The following ZBTB46 variants were observed in gnomAD, a reference collection of about 807,000 sequenced individuals.
ZBTB46 encodes zinc finger and BTB domain containing 46, also known as zinc finger and BTB domain-containing protein 46.
A neutral mutation model predicts 44.1 loss-of-function variants in ZBTB46; 8 were observed. The ratio of observed to expected loss-of-function variants is 0.18; its 90% CI spans 0.11 to 0.33. The LOEUF (loss-of-function observed/expected upper bound fraction) is 0.33, where lower values mean the gene tolerates loss of function less well. Ranked by LOEUF, ZBTB46 falls within the 10% of genes least tolerant of loss-of-function variation. ZBTB46 has a pLI of 1.00. For missense variants in ZBTB46, 651 were observed against 847.7 expected (o/e 0.77, Z 2.88); for synonymous variants, 409 against 382.3 (o/e 1.07, Z -0.81).
chr20:63,807,060 G>T (rs559788870), intron 1 of ZBTB46, among the ~76,000 whole-genome samples: 1 of 152,174 alleles, frequency 6.6e-6, no homozygotes, highest in African/African-American at 2.4e-5. Context: ...GGGATTACAG[G>T]CGTGAGCCAC....
Position 63,746,995 on chromosome 20 carries a change from C to A in ZBTB46, c.1705G>T (p.Glu569Ter), listed in dbSNP as rs369691406. The A allele has an allele frequency of 6.2e-7, 1 of 1,607,690 alleles. No homozygotes were observed. Among genetic ancestry groups the A allele is most frequent in the Non-Finnish European group, 8.5e-7 (1 of 1,179,470 alleles). The stretch of plus-strand genomic sequence containing the variant: ...GGGCTGCGCGGCCGCGGCGAGTCTT[C>A]CTCATCCTTGTCGTCCGCCAACAGC... ...DALLADDKDE[E>*]DSPRPRSPPG... Residue 569 changes from glutamate (E) to a stop codon, truncating the protein, a stop_gained, in exon 5 of 5, where the codon GAA (glutamate) becomes TAA (stop). Transcript: ENST00000245663. LOFTEE classifies it high-confidence loss of function.
At chr20:63,795,156 C>A (rs1273555661) in intron 1 of ZBTB46, among the ~76,000 whole-genome samples, 1 of 152,254 alleles carries the variant, frequency 6.6e-6, no homozygotes, top group Non-Finnish European at 1.5e-5. Flanking sequence ...TCTGAGGCTT[C>A]TTGGTATCTG....
At chr20:63,765,830 T>C (rs1174038013) in intron 3 of ZBTB46, among the ~76,000 whole-genome samples, 1 of 152,266 alleles carries the variant, frequency 6.6e-6, no homozygotes, top group African/African-American at 2.4e-5. Flanking sequence ...TTAGAGCCCT[T>C]ATCATTTTAC....
intron 4 of ZBTB46, among the ~76,000 whole-genome samples, chr20:63,751,577 G>A (rs2092162628): frequency 6.6e-6 from 1 of 151,984 alleles, no homozygotes; most frequent in Admixed American, 6.5e-5. Flanking sequence ...CACTGGAAAA[G>A]CAGCAACCAA....
At chr20:63,770,795 C>G (rs548399952) in intron 3 of ZBTB46, among the ~76,000 whole-genome samples, 1 of 152,360 alleles carries the variant, frequency 6.6e-6, no homozygotes, top group South Asian at 2.1e-4. Context: ...GCAGTGGACA[C>G]ACAGTGAGGA....
chr20:63,752,069 C>T lies in ZBTB46; in HGVS notation c.1398+617G>A, dbSNP rs1182823298. ...CCTGCACCCTGCGCCTCGGGGTGGG[C>T]GTTCCAGGACTCCCCGAACCCTTGG... On this transcript the variant is annotated intron_variant, in intron 4 of 4. Coordinates refer to ENST00000245663, the MANE Select transcript of ZBTB46 (RefSeq NM_001369741.1). This position sits in a 1 kb window ranked among gnomAD's most constrained non-coding sequence, Gnocchi z 5.6. Among the ~76,000 whole-genome samples the T allele has an allele frequency of 4.6e-5, 7 of 152,018 alleles. No homozygotes were observed.
At chr20:63,818,340 G>T (rs1017902637) in intron 1 of ZBTB46, among the ~76,000 whole-genome samples, 1 of 152,152 alleles carries the variant, frequency 6.6e-6, no homozygotes, top group East Asian at 1.9e-4. Context: ...TCCAAGTCAC[G>T]GTCCCCTCCA....
At position 63,790,641 on chromosome 20, in the gene ZBTB46, GC is replaced by G; in HGVS notation, c.116del (p.Gly39AlafsTer67). On this transcript the variant is annotated frameshift_variant, in exon 2 of 5. Coordinates refer to ENST00000245663, the MANE Select transcript of ZBTB46 (RefSeq NM_001369741.1). LOFTEE classifies it high-confidence loss of function. ...CGTTCTTGTGCGCCTTGAAGACCTT[GC>G]CCTCCACGACCACGCAGACGTCGCA... is the stretch of plus-strand genomic sequence containing the variant. ...VLCDVCVVVE[G>X]KVFKAHKNVL... 1 of 1,611,578 alleles carries G rather than the reference GC, an allele frequency of 6.2e-7. No homozygotes were observed. The highest frequency in any genetic ancestry group is 8.5e-7 in the Non-Finnish European group (1 of 1,180,026).
intron 2 of ZBTB46, among the ~76,000 whole-genome samples, chr20:63,779,406 ATT>A (rs59166121): frequency 4.3e-3 from 452 of 105,234 alleles, no homozygotes; most frequent in African/African-American, 0.018. Flanking sequence ...ACGCCGGCTA[ATT>A]TTTTTTTTTT....
intron 1 of ZBTB46, among the ~76,000 whole-genome samples, chr20:63,810,869 G>C (rs2092713715): frequency 6.6e-6 from 1 of 152,356 alleles, no homozygotes; most frequent in Non-Finnish European, 1.5e-5. Context: ...GCGAACATGA[G>C]AGCAATCTAC....
chr20:63,786,242 A>G (rs2092513313), intron 2 of ZBTB46, among the ~76,000 whole-genome samples: 1 of 152,218 alleles, frequency 6.6e-6, no homozygotes, highest in Non-Finnish European at 1.5e-5. Context: ...AAGCAGATGG[A>G]AAGGCCACTG....
At chr20:63,790,878 GCA>G (rs2092555786) in intron 1 of ZBTB46, 88 bp from the exon 2 acceptor site, 2 of 1,439,678 alleles carry the variant, frequency 1.4e-6, no homozygotes, top group Non-Finnish European at 1.8e-6. Context: ...GGGCCATGGG[GCA>G]CAGAGTGCGG....
At chr20:63,819,368 C>T (rs2092778700) in intron 1 of ZBTB46, among the ~76,000 whole-genome samples, 2 of 152,188 alleles carry the variant, frequency 1.3e-5, no homozygotes, top group South Asian at 4.1e-4. Context: ...CCGAAGAAGA[C>T]GAGCCAGCCC....
At chr20:63,757,631 C>T (rs987687508) in intron 3 of ZBTB46, among the ~76,000 whole-genome samples, 2 of 152,158 alleles carry the variant, frequency 1.3e-5, no homozygotes, top group Non-Finnish European at 2.9e-5. Flanking sequence ...CCAGCTTTCT[C>T]CTTCCTTTCC....
At chr20:63,748,070 C>T (rs768103639) in intron 4 of ZBTB46, among the ~76,000 whole-genome samples, 2 of 149,710 alleles carry the variant, frequency 1.3e-5, no homozygotes, top group African/African-American at 4.8e-5. Flanking sequence ...CCCTGACCCC[C>T]TCAGTCCCTG....
intron 3 of ZBTB46, among the ~76,000 whole-genome samples, chr20:63,773,229 G>A (rs1485854452): frequency 8.2e-6 from 1 of 121,638 alleles, no homozygotes; most frequent in Non-Finnish European, 1.7e-5. Flanking sequence ...CAGTCCAATG[G>A]CTTTTTTTTT....
rs1194365471 is a variant in ZBTB46 at position 63,744,189 on chromosome 20, TTC to T, written c.*2739_*2740del. On this transcript the variant is annotated 3_prime_UTR_variant, in exon 5 of 5. Coordinates refer to ENST00000245663, the MANE Select transcript of ZBTB46 (RefSeq NM_001369741.1). Reference sequence around the variant, plus strand: ...ACAGAATGAGCTAAAATAAGATTACTTCTTTTATAATATTGCAAAAAGTTCCA... The same window carrying T: ...ACAGAATGAGCTAAAATAAGATTACTTTTTATAATATTGCAAAAAGTTCCA... 2 of 152,190 alleles carry T rather than the reference TTC, an allele frequency of 1.3e-5. No homozygotes were observed. Among genetic ancestry groups the T allele is most frequent in the African/African-American group, 4.8e-5 (2 of 41,450 alleles). 9.4% of individuals were successfully genotyped at this position (152,190 alleles called of 1,614,324 possible). A position where few individuals can be genotyped will look rare whatever the true frequency, so the allele number is the denominator to read the frequency against.
At chr20:63,814,452 G>A (rs965455873) in intron 1 of ZBTB46, among the ~76,000 whole-genome samples, 3 of 152,158 alleles carry the variant, frequency 2.0e-5, no homozygotes, top group Admixed American at 1.3e-4. Flanking sequence ...ACAAAACTGG[G>A]AAAATATACA....
intron 1 of ZBTB46, among the ~76,000 whole-genome samples, chr20:63,812,782 C>CA (rs965150878): frequency 2.0e-5 from 3 of 150,590 alleles, no homozygotes; most frequent in Non-Finnish European, 4.4e-5. Context: ...CATCTCAAAA[C>CA]AAAAAACAAA....
Sources: allele counts gnomAD v4.1 joint callset (sites outside exome capture counted in the v4.1 genomes callset), GRCh38; gene constraint gnomAD v4.1.1; non-coding constraint Gnocchi (gnomAD v3.1); transcripts MANE v1.5; gene names NCBI Gene and HGNC (gene_info 2026-07-23, HGNC 2026-07-21).